The following PLCG1 variants were observed in gnomAD, a reference collection of about 807,000 sequenced individuals.
PLCG1 encodes the protein 1-phosphatidylinositol 4,5-bisphosphate phosphodiesterase gamma-1.
Under a neutral mutation model 177.8 loss-of-function variants are expected in PLCG1, and 71 were observed. The observed-to-expected ratio is 0.40, with a 90% CI of 0.33 to 0.49. The LOEUF is 0.49. Ranked by LOEUF, PLCG1 falls within the 20% of genes least tolerant of loss-of-function variation. The pLI is 0.72. For missense variants in PLCG1, 1,281 were observed against 1,709.0 expected, an observed-to-expected ratio of 0.75 and a Z score of 4.42; for synonymous variants, 658 against 647.9, an observed-to-expected ratio of 1.02 and a Z score of -0.24.
Position 41,163,750 on chromosome 20 carries a change from G to A in PLCG1, c.927G>A (p.Val309=), listed in dbSNP as rs370246429. The A allele has an allele frequency of 2.5e-6, 4 of 1,613,422 alleles. No individual in the cohort carries two copies. In the South Asian group the frequency reaches 4.4e-5, roughly 18 times the overall value. ...TCCTGTTCTCCAAAGAGAACAGTGT[G>A]TGGAACTCGCAGCTGGATGCAGTAT... ...VTFLFSKENS[V]WNSQLDAVCP... is the part of the protein sequence containing the mutation. Residue 309 remains valine (V), a synonymous_variant, in exon 10 of 32, where the codon GTG becomes GTA. Transcript: ENST00000685551. The surrounding 1 kb of genome is among the most constrained non-coding windows in gnomAD (Gnocchi z 5.2).
Position 41,176,726 on chromosome 20 carries a change from C to CCAA in PLCG1, c.*2219_*2221dup, listed in dbSNP as rs1568765466. On this transcript the variant is annotated 3_prime_UTR_variant, in exon 32 of 32. Transcript: ENST00000685551. ...ATTGTTCTTCCTAGTGGAAAACGTG[C>CCAA]CAACTCTCAAGCAAATTTAAAGATC... is the stretch of plus-strand genomic sequence containing the variant. 1 of 152,222 alleles carries CCAA rather than the reference C, an allele frequency of 6.6e-6. No homozygotes were observed. Among genetic ancestry groups the CCAA allele is most frequent in the African/African-American group, 2.4e-5 (1 of 41,440 alleles). The allele number at this position is 152,222 out of a possible 1,614,324, so 9.4% of individuals were successfully genotyped here. A position where few individuals can be genotyped will look rare whatever the true frequency, so the allele number is the denominator to read the frequency against.
chr20:41,156,903 C>A lies in PLCG1; in HGVS notation c.218-2703C>A, dbSNP rs1201672005. Among the ~76,000 whole-genome samples, 1 of 152,220 alleles carries A rather than the reference C, an allele frequency of 6.6e-6. No individual in the cohort carries two copies. The highest frequency in any genetic ancestry group is 6.5e-5 in the Admixed American group (1 of 15,288). On this transcript the variant is annotated intron_variant, in intron 1 of 31. Coordinates refer to ENST00000685551, the MANE Select transcript of PLCG1 (RefSeq NM_002660.3). The surrounding 1 kb of genome is among the most constrained non-coding windows in gnomAD (Gnocchi z 5.0). ...TTCTGGGGACCAGCTCTGGCTCTCT[C>A]AAGAAAGAGGATGCTGCCATATTTG... is the stretch of plus-strand genomic sequence containing the variant.
Position 41,159,033 on chromosome 20 carries a change from A to G in PLCG1, c.218-573A>G, listed in dbSNP as rs950703037. Among the ~76,000 whole-genome samples, 1 of 152,142 alleles carries G rather than the reference A, an allele frequency of 6.6e-6. No homozygotes were observed. The highest frequency in any genetic ancestry group is 1.5e-5 in the Non-Finnish European group (1 of 68,022). On this transcript the variant is annotated intron_variant, in intron 1 of 31. Coordinates refer to ENST00000685551, the MANE Select transcript of PLCG1 (RefSeq NM_002660.3). The surrounding 1 kb of genome is among the most constrained non-coding windows in gnomAD (Gnocchi z 6.0). The stretch of plus-strand genomic sequence containing the variant: ...GGCAAAATGGTGGTCTGGGTCCAGG[A>G]TGGTTGCTGCTCTTGGACAGCCAGT...
chr20:41,149,162 A>G (rs1254130483), intron 1 of PLCG1, among the ~76,000 whole-genome samples: 1 of 152,162 alleles, frequency 6.6e-6, no homozygotes, highest in Non-Finnish European at 1.5e-5. Flanking sequence ...GGTAGTAACT[A>G]CTTCATCCTC....
At position 41,170,109 on chromosome 20, in the gene PLCG1, C is replaced by T. The variant is rs528635875; in HGVS notation, c.2651-3C>T. 3.5e-5 allele frequency: 57 copies of T among 1,606,590 alleles called. 1 individual carries two copies. The highest frequency in any genetic ancestry group is 3.5e-4 in the South Asian group (32 of 90,290). ...CAGCTGTTATCTGCTCTCGCCCTCCCAGCCATCCGTCCTGAGGGCAAGAAC... is the reference window on the plus strand; with the variant it reads ...CAGCTGTTATCTGCTCTCGCCCTCCTAGCCATCCGTCCTGAGGGCAAGAAC... On this transcript the variant is annotated splice_polypyrimidine_tract_variant and splice_region_variant and intron_variant, in intron 23 of 31. Coordinates refer to ENST00000685551, the MANE Select transcript of PLCG1 (RefSeq NM_002660.3).
At position 41,172,513 on chromosome 20, in the gene PLCG1, T is replaced by C; in HGVS notation, c.2998T>C (p.Phe1000Leu). 6.2e-7 allele frequency: 1 copy of C among 1,614,088 alleles called. No homozygotes were observed. Among genetic ancestry groups the C allele is most frequent in the Non-Finnish European group, 8.5e-7 (1 of 1,179,968 alleles). The change falls in exon 26 of 32, where the codon TTC becomes CTC. Residue 1000 changes from phenylalanine (F) to leucine (L), a missense_variant. By Grantham distance (22) the Phe-to-Leu change is conservative (BLOSUM62 0). Coordinates refer to ENST00000685551, the MANE Select transcript of PLCG1 (RefSeq NM_002660.3). The surrounding 1 kb of genome is among the most constrained non-coding windows in gnomAD (Gnocchi z 7.0). ...KYVNKAKGKK[F>L]LQYNRLQLSR... ...CGTGAACAAGGCCAAAGGCAAGAAG[T>C]TCCTTCAGTACAATCGACTGCAGCT...
chr20:41,146,988 C>T lies in PLCG1; in HGVS notation c.217+9130C>T, dbSNP rs948332064. Among the ~76,000 whole-genome samples the T allele has an allele frequency of 2.0e-5, 3 of 152,166 alleles. No individual in the cohort carries two copies. The highest frequency in any genetic ancestry group is 2.0e-4 in the Admixed American group (3 of 15,280). The stretch of plus-strand genomic sequence containing the variant: ...GGAGGTGAGCTAAGGAATACAACTC[C>T]ATTCCCTCAGTTGGGAGGTTGGGCA... On this transcript the variant is annotated intron_variant, in intron 1 of 31. Transcript: ENST00000685551. This position sits in a 1 kb window ranked among gnomAD's most constrained non-coding sequence, Gnocchi z 6.3.
Position 41,151,758 on chromosome 20 carries a change from C to G in PLCG1, c.218-7848C>G, listed in dbSNP as rs949196007. ...TGCTGACCATCCTGTGACCTGGCTACTATTGCATCAGGCTTCCTTCCCACC... is the reference window on the plus strand; with the variant it reads ...TGCTGACCATCCTGTGACCTGGCTAGTATTGCATCAGGCTTCCTTCCCACC... On this transcript the variant is annotated intron_variant, in intron 1 of 31. Coordinates refer to ENST00000685551, the MANE Select transcript of PLCG1 (RefSeq NM_002660.3). This position sits in a 1 kb window ranked among gnomAD's most constrained non-coding sequence, Gnocchi z 5.5. Among the ~76,000 whole-genome samples the G allele has an allele frequency of 2.3e-4, 35 of 152,330 alleles. 1 individual carries two copies. The highest frequency in any genetic ancestry group is 8.4e-4 in the African/African-American group (35 of 41,572).
At chr20:41,169,398 T>C in intron 22 of PLCG1, 59 bp from the exon 23 acceptor site, 1 of 1,298,018 alleles carries the variant, frequency 7.7e-7, no homozygotes, top group Non-Finnish European at 1.1e-6. Context: ...CACACGGATA[T>C]CCCCTCACAC....
At position 41,157,369 on chromosome 20, in the gene PLCG1, T is replaced by C. The variant is rs1028121939; in HGVS notation, c.218-2237T>C. ...TGTTCTGCAGTTTCTGATCTAGCCA[T>C]TTCCCCTGATGGAAGCTCCTCCTTC... On this transcript the variant is annotated intron_variant, in intron 1 of 31. Coordinates refer to ENST00000685551, the MANE Select transcript of PLCG1 (RefSeq NM_002660.3). The surrounding 1 kb of genome is among the most constrained non-coding windows in gnomAD (Gnocchi z 5.4). Among the ~76,000 whole-genome samples the C allele has an allele frequency of 1.3e-5, 2 of 152,032 alleles. No individual in the cohort carries two copies. Among genetic ancestry groups the C allele is most frequent in the African/African-American group, 4.8e-5 (2 of 41,392 alleles).
rs1390705215 is a variant in PLCG1, at chr20:41,163,407, G to A, written c.819G>A (p.Val273=). 1 of 1,613,374 alleles carries A rather than the reference G, an allele frequency of 6.2e-7. No homozygotes were observed. Among genetic ancestry groups the A allele is most frequent in the Admixed American group, 1.7e-5 (1 of 60,016 alleles). Residue 273 remains valine, a synonymous_variant, in exon 9 of 32, where the codon GTG becomes GTA. Coordinates refer to ENST00000685551, the MANE Select transcript of PLCG1 (RefSeq NM_002660.3). The surrounding 1 kb of genome is among the most constrained non-coding windows in gnomAD (Gnocchi z 5.2). ...GELWAVDRLQ[V]QEFMLSFLRD... ...TGTGGGCTGTTGATCGCCTCCAGGT[G>A]CAGGAGTTCATGCTCAGCTTCCTCC...
intron 22 of PLCG1, 42 bp downstream of exon 22, chr20:41,169,217 A>G (rs2035811505): frequency 2.1e-6 from 3 of 1,398,308 alleles, no homozygotes; most frequent in Non-Finnish European, 3.0e-6. Flanking sequence ...CCCTATTCCC[A>G]GATTCTCCTT....
At position 41,174,373 on chromosome 20, in the gene PLCG1, G is replaced by A. The variant is rs944832128; in HGVS notation, c.3833+62G>A. 6 of 1,602,286 alleles carry A rather than the reference G, an allele frequency of 3.7e-6. No individual in the cohort carries two copies. The highest frequency in any genetic ancestry group is 5.1e-6 in the Non-Finnish European group (6 of 1,170,072). ...AGTGGCTAGGTCCTCCTTCTTCAGT[G>A]TTTCTTTCTCCTGGGTAGAAAAGTT... On this transcript the variant is annotated intron_variant, in intron 31 of 31. Transcript: ENST00000685551. This position sits in a 1 kb window ranked among gnomAD's most constrained non-coding sequence, Gnocchi z 5.8.
At position 41,163,058 on chromosome 20, in the gene PLCG1, T is replaced by G; in HGVS notation, c.716+66T>G. 2 of 1,554,408 alleles carry G rather than the reference T, an allele frequency of 1.3e-6. No homozygotes were observed. The highest frequency in any genetic ancestry group is 1.8e-6 in the Non-Finnish European group (2 of 1,125,658). On this transcript the variant is annotated intron_variant, in intron 7 of 31. Coordinates refer to ENST00000685551, the MANE Select transcript of PLCG1 (RefSeq NM_002660.3). The surrounding 1 kb of genome is among the most constrained non-coding windows in gnomAD (Gnocchi z 5.2). ...CCTTCATCTCTCCACTGGGCGATTC[T>G]TGATCCAGGTGGGAGGCAGTGGGAG... is the stretch of plus-strand genomic sequence containing the variant.
Position 41,162,740 on chromosome 20 carries a change from T to C in PLCG1, c.681+15T>C. On this transcript the variant is annotated intron_variant, in intron 6 of 31. Transcript: ENST00000685551. Reference sequence around the variant, plus strand: ...CCCAGAAGACGGTGCATGAGCCACCTGCCCTCCCTCAACCCCTGCCCCTGC... The same window carrying C: ...CCCAGAAGACGGTGCATGAGCCACCCGCCCTCCCTCAACCCCTGCCCCTGC... 1 of 1,598,584 alleles carries C rather than the reference T, an allele frequency of 6.3e-7. No individual in the cohort carries two copies. Among genetic ancestry groups the C allele is most frequent in the Non-Finnish European group, 8.5e-7 (1 of 1,169,606 alleles).
intron 1 of PLCG1, among the ~76,000 whole-genome samples, chr20:41,138,878 ACTCTGCTCTGCC>A (rs1568720593): frequency 6.6e-6 from 1 of 151,814 alleles, no homozygotes; most frequent in African/African-American, 2.4e-5. Flanking sequence ...TCGGATGGGC[ACTCTGCTCTGCC>A]CTCCATTCCC....
rs768834401 is a variant in PLCG1, at chr20:41,174,350, T to TG, written c.3833+41dup. 1 of 1,604,420 alleles carries TG rather than the reference T, an allele frequency of 6.2e-7. No individual in the cohort carries two copies. The highest frequency in any genetic ancestry group is 1.3e-5 in the African/African-American group (1 of 74,834). On this transcript the variant is annotated intron_variant, in intron 31 of 31. Transcript: ENST00000685551. This position sits in a 1 kb window ranked among gnomAD's most constrained non-coding sequence, Gnocchi z 5.8. ...AGGGGTGCTAGAGCCAGGAAGGCAG[T>TG]GGCTAGGTCCTCCTTCTTCAGTGTT...
chr20:41,139,522 T>A (rs965460513), intron 1 of PLCG1, among the ~76,000 whole-genome samples: 1 of 152,182 alleles, frequency 6.6e-6, no homozygotes, highest in Non-Finnish European at 1.5e-5. Context: ...GCCCATATAT[T>A]CATTGTGTGT....
Position 41,174,429 on chromosome 20 carries a change from C to T in PLCG1, c.3834-38C>T. 6.3e-7 allele frequency: 1 copy of T among 1,592,852 alleles called. No individual in the cohort carries two copies. Among genetic ancestry groups the T allele is most frequent in the South Asian group, 1.1e-5 (1 of 88,794 alleles). The stretch of plus-strand genomic sequence containing the variant: ...ATTGTCTGGCATTGGGCTGCAAGGC[C>T]CTGCCTGCCAGTAAGGACACTCTTC... On this transcript the variant is annotated intron_variant, in intron 31 of 31. Transcript: ENST00000685551. This position sits in a 1 kb window ranked among gnomAD's most constrained non-coding sequence, Gnocchi z 5.8.
Sources: allele counts gnomAD v4.1 joint callset (sites outside exome capture counted in the v4.1 genomes callset), GRCh38; gene constraint gnomAD v4.1.1; non-coding constraint Gnocchi (gnomAD v3.1); transcripts MANE v1.5; gene names NCBI Gene and HGNC (gene_info 2026-07-23, HGNC 2026-07-21).